GLT1D1: variants seen among roughly 807,000 people sequenced by gnomAD.
GLT1D1 encodes glycosyltransferase 1 domain-containing protein 1.
A neutral mutation model predicts 28.7 loss-of-function variants in GLT1D1; 21 were observed. The observed-to-expected ratio is 0.73, with a 90% CI of 0.52 to 1.05. GLT1D1 has a LOEUF of 1.05. Among genes scored for constraint, GLT1D1 ranks in the 50% least tolerant of loss-of-function variants. GLT1D1 has a pLI of 0.00. For synonymous variants in GLT1D1, 147 were observed against 124.8 expected (o/e 1.18, Z -1.19); for missense variants, 343 against 330.6 (o/e 1.04, Z -0.29).
intron 2 of GLT1D1, among the ~76,000 whole-genome samples, chr12:128,880,999 C>T (rs2135810086): frequency 6.8e-6 from 1 of 147,242 alleles, no homozygotes; most frequent in East Asian, 2.1e-4. Context: ...TGGAGACGGG[C>T]GGATCACGAG....
intron 3 of GLT1D1, among the ~76,000 whole-genome samples, chr12:128,892,104 AT>A: frequency 6.6e-6 from 1 of 152,246 alleles, no homozygotes; most frequent in East Asian, 1.9e-4. Flanking sequence ...TGCATTTCTG[AT>A]TGGCCTTTCC....
chr12:128,909,736 T>C (rs1287594363), intron 4 of GLT1D1, among the ~76,000 whole-genome samples: 1 of 152,236 alleles, frequency 6.6e-6, no homozygotes, highest in African/African-American at 2.4e-5. Flanking sequence ...CAGTTAGTCC[T>C]TGGGTCTGTT....
chr12:128,975,137 G>A (rs575252552), intron 7 of GLT1D1, among the ~76,000 whole-genome samples: 3 of 152,258 alleles, frequency 2.0e-5, no homozygotes, highest in East Asian at 1.9e-4. Flanking sequence ...TTAGATACAC[G>A]CTCAGGCATT....
At chr12:128,864,961 A>T (rs907721936) in intron 1 of GLT1D1, among the ~76,000 whole-genome samples, 1 of 152,102 alleles carries the variant, frequency 6.6e-6, no homozygotes, top group Non-Finnish European at 1.5e-5. Context: ...ACAGATAAGG[A>T]CCTCAGAGGC....
At chr12:128,860,237 G>A (rs899592480) in intron 1 of GLT1D1, among the ~76,000 whole-genome samples, 1 of 152,238 alleles carries the variant, frequency 6.6e-6, no homozygotes, top group Non-Finnish European at 1.5e-5. Flanking sequence ...GAGGCGGGCA[G>A]ATCACCTGAG....
chr12:128,897,738 G>C (rs967646913), intron 3 of GLT1D1, among the ~76,000 whole-genome samples: 3 of 151,886 alleles, frequency 2.0e-5, no homozygotes, highest in East Asian at 1.9e-4. Flanking sequence ...GCACGATCTC[G>C]GCTCACTGCA....
At chr12:128,934,619 GAGC>G (rs1440889365) in intron 4 of GLT1D1, among the ~76,000 whole-genome samples, 2 of 152,092 alleles carry the variant, frequency 1.3e-5, no homozygotes, top group Non-Finnish European at 2.9e-5. Context: ...GCTCAGTCCT[GAGC>G]CTCCACCCCA....
At chr12:128,925,062 A>G (rs1353208663) in intron 4 of GLT1D1, among the ~76,000 whole-genome samples, 2 of 148,818 alleles carry the variant, frequency 1.3e-5, no homozygotes, top group African/African-American at 2.5e-5. Context: ...TACTTTTTCC[A>G]TATTTATTGA....
intron 6 of GLT1D1, among the ~76,000 whole-genome samples, chr12:128,953,947 C>T (rs1039265088): frequency 4.6e-5 from 7 of 151,842 alleles, no homozygotes; most frequent in Admixed American, 2.6e-4. Context: ...GCTTTCACCA[C>T]GTTGGCCAGG....
chr12:128,941,025 T>G (rs1258822437), intron 4 of GLT1D1, among the ~76,000 whole-genome samples: 1 of 152,218 alleles, frequency 6.6e-6, no homozygotes, highest in Non-Finnish European at 1.5e-5. Flanking sequence ...CCAATCTACT[T>G]TCTGTCTCTG....
intron 1 of GLT1D1, among the ~76,000 whole-genome samples, chr12:128,854,793 G>C (rs1275076785): frequency 1.3e-5 from 2 of 152,032 alleles, no homozygotes; most frequent in Admixed American, 1.3e-4. Context: ...CACTGTGCCC[G>C]GCCTCCTCAT....
chr12:128,914,794 TG>T, intron 4 of GLT1D1, 138 bp from the exon 6 acceptor site: 1 of 640,384 alleles, frequency 1.6e-6, no homozygotes, highest in Non-Finnish European at 2.7e-6. Flanking sequence ...CACTGCAGCC[TG>T]GGTGACAGAG....
intron 4 of GLT1D1, among the ~76,000 whole-genome samples, chr12:128,942,594 A>G (rs1875414284): frequency 6.6e-6 from 1 of 152,068 alleles, no homozygotes; most frequent in Admixed American, 6.5e-5. Context: ...GGCACCAAGT[A>G]AAGAGTAAAT....
intron 7 of GLT1D1, among the ~76,000 whole-genome samples, chr12:128,960,913 G>A (rs1045991656): frequency 2.0e-5 from 3 of 152,180 alleles, no homozygotes; most frequent in Admixed American, 6.5e-5. Context: ...AATGCTAAAT[G>A]TGCAGTTAGT....
chr12:128,947,436 G>T lies in GLT1D1; in HGVS notation c.518G>T (p.Gly173Val), dbSNP rs200929644. Residue 173 changes from glycine (G) to valine (V), a missense_variant, in exon 6 of 8, where the codon GGC (glycine) becomes GTC (valine). Gly to Val is a moderately radical substitution (Grantham distance 109). Transcript: ENST00000281703. ...GTGGTGAATAGCTCTGTCTCTGAAGGCATGTCAGCTGCAATTTTGGAGGTA... is the reference window on the plus strand; with the variant it reads ...GTGGTGAATAGCTCTGTCTCTGAAGTCATGTCAGCTGCAATTTTGGAGGTA... 22 of 1,614,044 alleles carry T rather than the reference G, an allele frequency of 1.4e-5. No individual in the cohort carries two copies. The highest frequency in any genetic ancestry group is 1.8e-5 in the Non-Finnish European group (21 of 1,180,036).
chr12:128,884,676 A>G (rs921983469), intron 2 of GLT1D1, among the ~76,000 whole-genome samples: 1 of 151,976 alleles, frequency 6.6e-6, no homozygotes, highest in Non-Finnish European at 1.5e-5. Context: ...TTAGCTGGGC[A>G]TGGTGGCACT....
intron 4 of GLT1D1, 26 bp downstream of exon 8, chr12:128,927,180 ATCTCATCTCTGTTTTCC>A: frequency 2.7e-6 from 4 of 1,478,066 alleles, no homozygotes; most frequent in Non-Finnish European, 3.7e-6. Context: ...GTAAACACTT[ATCTCATCTCTGTTTTCC>A]TCTATATACT....
At chr12:128,948,382 C>T (rs903213515) in intron 6 of GLT1D1, among the ~76,000 whole-genome samples, 1 of 152,162 alleles carries the variant, frequency 6.6e-6, no homozygotes, top group African/African-American at 2.4e-5. Flanking sequence ...GCTGGGCTCA[C>T]TCACACCAAC....
intron 6 of GLT1D1, among the ~76,000 whole-genome samples, chr12:128,947,913 T>G (rs894645371): frequency 6.6e-5 from 10 of 151,974 alleles, no homozygotes; most frequent in East Asian, 1.9e-4. Context: ...AGGGGCAGGG[T>G]AGTGTTCGTA....
Sources: gnomAD v4.1 joint callset for allele counts (sites outside exome capture counted in the v4.1 genomes callset) on GRCh38, gnomAD v4.1.1 for gene constraint, MANE v1.5 for transcripts, NCBI Gene and HGNC (gene_info 2026-07-23, HGNC 2026-07-21) for gene names.